The following PCED1B variants were observed in gnomAD, a reference collection of about 807,000 sequenced individuals.
PCED1B encodes PC-esterase domain containing 1B.
For missense variants in PCED1B, 573 were observed against 573.9 expected (o/e 1.00, Z 0.02); for synonymous variants, 251 against 246.1 (o/e 1.02, Z -0.19).
chr12:47,122,788 T>C (rs1430525588), intron 2 of PCED1B, among the ~76,000 whole-genome samples: 2 of 152,246 alleles, frequency 1.3e-5, no homozygotes, highest in Non-Finnish European at 2.9e-5. Flanking sequence ...AGAGCTTGGC[T>C]GTACAATGCA....
intron 2 of PCED1B, among the ~76,000 whole-genome samples, chr12:47,197,490 C>T (rs895011452): frequency 5.9e-5 from 9 of 151,668 alleles, no homozygotes; most frequent in Non-Finnish European, 1.0e-4. Context: ...TGCCTGTAAT[C>T]CCAGCTACTC....
intron 2 of PCED1B, among the ~76,000 whole-genome samples, chr12:47,106,590 C>T (rs943620507): frequency 3.9e-5 from 6 of 152,128 alleles, no homozygotes; most frequent in African/African-American, 1.4e-4. Context: ...TCATCCCAGG[C>T]CCCAGACTGT....
chr12:47,083,366 T>C (rs574548688), intron 1 of PCED1B, among the ~76,000 whole-genome samples: 2 of 152,188 alleles, frequency 1.3e-5, no homozygotes, highest in East Asian at 3.9e-4. Flanking sequence ...CACTGGGTGT[T>C]CTTTGGAGAT....
chr12:47,112,899 G>C (rs1488653294), intron 2 of PCED1B, among the ~76,000 whole-genome samples: 1 of 152,180 alleles, frequency 6.6e-6, no homozygotes, highest in Non-Finnish European at 1.5e-5. Context: ...ACAGCTTCTT[G>C]GGCATGTCAG....
chr12:47,111,171 G>T (rs904953068), intron 2 of PCED1B, among the ~76,000 whole-genome samples: 2 of 152,016 alleles, frequency 1.3e-5, no homozygotes, highest in Non-Finnish European at 2.9e-5. Flanking sequence ...TGTGCCACAA[G>T]GACATAAAGA....
At chr12:47,167,058 T>C (rs1197125932) in intron 2 of PCED1B, among the ~76,000 whole-genome samples, 8 of 152,128 alleles carry the variant, frequency 5.3e-5, no homozygotes, top group African/African-American at 1.7e-4. Flanking sequence ...AAGAAAAGTA[T>C]GGTAAACAAG....
intron 2 of PCED1B, among the ~76,000 whole-genome samples, chr12:47,129,510 A>C (rs1010095980): frequency 1.3e-5 from 2 of 152,048 alleles, no homozygotes. Context: ...AAATAATAAA[A>C]TTTTAAAAAT....
At position 47,235,980 on chromosome 12, in the gene PCED1B, C is replaced by T; in HGVS notation, c.917C>T (p.Pro306Leu). 6.2e-7 allele frequency: 1 copy of T among 1,612,332 alleles called. No individual in the cohort carries two copies. Among genetic ancestry groups the T allele is most frequent in the Non-Finnish European group, 8.5e-7 (1 of 1,179,166 alleles). Residue 306 changes from proline (P) to leucine (L), a missense_variant, in exon 4 of 4, where the codon CCA (proline) becomes CTA (leucine). Physicochemically the swap from Pro to Leu is moderately conservative, Grantham distance 98. Coordinates refer to ENST00000546455, the MANE Select transcript of PCED1B (RefSeq NM_138371.3). ...SPTYRPLLGF[P>L]PQRLPLLPLL... ...ACATACCGCCCCCTGCTTGGGTTCC[C>T]ACCCCAGCGCTTGCCGCTGCTCCCG...
intron 3 of PCED1B, among the ~76,000 whole-genome samples, chr12:47,224,745 A>G (rs1304889851): frequency 6.6e-6 from 1 of 152,134 alleles, no homozygotes; most frequent in Admixed American, 6.5e-5. Flanking sequence ...GTTGTTGTTG[A>G]GGGATGTGAG....
chr12:47,216,963 G>C (rs1231207511), intron 3 of PCED1B, among the ~76,000 whole-genome samples: 1 of 152,162 alleles, frequency 6.6e-6, no homozygotes. Context: ...TGAGGCATCT[G>C]TTGTCTGCAA....
intron 1 of PCED1B, 138 bp downstream of exon 1, chr12:47,079,863 C>A (rs1020949416): frequency 2.0e-5 from 3 of 150,490 alleles, no homozygotes; most frequent in African/African-American, 7.3e-5. Flanking sequence ...GGCTGCAGGA[C>A]CCGGGGTTCC....
intron 2 of PCED1B, among the ~76,000 whole-genome samples, chr12:47,146,838 T>C (rs533141005): frequency 1.3e-5 from 2 of 152,324 alleles, no homozygotes; most frequent in African/African-American, 4.8e-5. Context: ...TTCTCAGATA[T>C]GCCTGTATGT....
At chr12:47,085,778 A>T (rs1036851311) in intron 1 of PCED1B, among the ~76,000 whole-genome samples, 7 of 152,180 alleles carry the variant, frequency 4.6e-5, no homozygotes, top group African/African-American at 1.7e-4. Flanking sequence ...ATTATTCTAG[A>T]GTCCTTTGTG....
At chr12:47,116,585 C>T (rs1254504553) in intron 2 of PCED1B, among the ~76,000 whole-genome samples, 1 of 152,078 alleles carries the variant, frequency 6.6e-6, no homozygotes, top group African/African-American at 2.4e-5. Context: ...TAATTCATTA[C>T]TAGTATAGTA....
At chr12:47,146,998 C>CTTTTTTTTTTTTTTTTTTT (rs59400736) in intron 2 of PCED1B, among the ~76,000 whole-genome samples, 1 of 98,990 alleles carries the variant, frequency 1.0e-5, no homozygotes, top group Non-Finnish European at 1.9e-5. Flanking sequence ...GTTCATTGCT[C>CTTTTTTTTTTTTTTTTTTT]TTTTTTTTTT....
chr12:47,212,143 C>T (rs191838774), intron 2 of PCED1B, among the ~76,000 whole-genome samples: 1 of 150,946 alleles, frequency 6.6e-6, no homozygotes, highest in African/African-American at 2.4e-5. Context: ...TGGTGGCTCA[C>T]TCCTGTGGTC....
At chr12:47,133,741 A>G (rs966028338) in intron 2 of PCED1B, among the ~76,000 whole-genome samples, 8 of 152,196 alleles carry the variant, frequency 5.3e-5, no homozygotes, top group Admixed American at 4.6e-4. Flanking sequence ...ATTTCCAGCA[A>G]CCAAGGTCCT....
At chr12:47,167,713 T>C (rs1592228649) in intron 2 of PCED1B, among the ~76,000 whole-genome samples, 1 of 152,148 alleles carries the variant, frequency 6.6e-6, no homozygotes, top group East Asian at 1.9e-4. Context: ...GATAATAAAT[T>C]CTCTTATTGT....
chr12:47,156,895 C>T (rs1248330114), intron 2 of PCED1B, among the ~76,000 whole-genome samples: 1 of 152,072 alleles, frequency 6.6e-6, no homozygotes, highest in East Asian at 1.9e-4. Context: ...GCCTCAGCTT[C>T]CCCCTATGTA....
Sources: gnomAD v4.1 joint callset for allele counts (sites outside exome capture counted in the v4.1 genomes callset) on GRCh38, gnomAD v4.1.1 for gene constraint, MANE v1.5 for transcripts, NCBI Gene and HGNC (gene_info 2026-07-23, HGNC 2026-07-21) for gene names.